ZFAND6: variants seen among roughly 807,000 people sequenced by gnomAD.
The protein encoded by ZFAND6 is zinc finger AN1-type containing 6.
A neutral mutation model predicts 24.5 loss-of-function variants in ZFAND6; 12 were observed. The ratio of observed to expected loss-of-function variants is 0.49; its 90% CI spans 0.31 to 0.79. ZFAND6 has a LOEUF of 0.79. Ranked by LOEUF, ZFAND6 falls within the 30% of genes least tolerant of loss-of-function variation. ZFAND6 has a pLI of 0.04. For synonymous variants in ZFAND6, 92 were observed against 81.5 expected (o/e 1.13, Z -0.69); for missense variants, 207 against 245.9 (o/e 0.84, Z 1.06).
intron 5 of ZFAND6, among the ~76,000 whole-genome samples, chr15:80,126,371 T>C (rs540093079): frequency 6.6e-6 from 1 of 152,322 alleles, no homozygotes; most frequent in Admixed American, 6.5e-5. Flanking sequence ...GGACTAACAA[T>C]TCCTGGCTTC....
intron 1 of ZFAND6, among the ~76,000 whole-genome samples, chr15:80,065,002 CTTTT>C (rs371580044): frequency 2.5e-4 from 17 of 68,130 alleles, no homozygotes; most frequent in African/African-American, 3.6e-4. Flanking sequence ...CTCTCTCCCC[CTTTT>C]TTTTTTTTTT....
intron 1 of ZFAND6, among the ~76,000 whole-genome samples, chr15:80,071,210 A>G (rs866329363): frequency 6.6e-6 from 1 of 152,226 alleles, no homozygotes; most frequent in East Asian, 1.9e-4. Flanking sequence ...GTGTTCTAAT[A>G]TTTGAGTTTT....
intron 1 of ZFAND6, among the ~76,000 whole-genome samples, chr15:80,062,647 T>C (rs1252066580): frequency 6.6e-6 from 1 of 152,198 alleles, no homozygotes; most frequent in African/African-American, 2.4e-5. Context: ...TGCAGACAAA[T>C]ATCAGGATGC....
chr15:80,067,771 TTAAA>T (rs939995348), intron 1 of ZFAND6, among the ~76,000 whole-genome samples: 12 of 152,230 alleles, frequency 7.9e-5, no homozygotes, highest in Non-Finnish European at 1.6e-4. Context: ...CATATTTTAT[TTAAA>T]TAGTCACATC....
intron 1 of ZFAND6, among the ~76,000 whole-genome samples, chr15:80,074,950 G>A (rs1395506364): frequency 6.6e-6 from 1 of 152,022 alleles, no homozygotes; most frequent in Non-Finnish European, 1.5e-5. Context: ...CTCATTGATG[G>A]AACCAGTAGT....
intron 1 of ZFAND6, among the ~76,000 whole-genome samples, chr15:80,077,173 T>C (rs914887244): frequency 6.6e-6 from 1 of 152,182 alleles, no homozygotes; most frequent in African/African-American, 2.4e-5. Flanking sequence ...CTTAAATAAC[T>C]GTTGGCTTGG....
At chr15:80,122,572 TAAAAAA>T (rs1434024353) in intron 4 of ZFAND6, 122 bp from the exon 5 acceptor site, 1 of 603,906 alleles carries the variant, frequency 1.7e-6, no homozygotes, top group East Asian at 2.8e-5. Flanking sequence ...TTTAAGTTAT[TAAAAAA>T]AAGTATGTCT....
intron 1 of ZFAND6, among the ~76,000 whole-genome samples, chr15:80,094,807 C>T (rs762128861): frequency 8.6e-5 from 13 of 151,838 alleles, no homozygotes; most frequent in African/African-American, 2.7e-4. Context: ...GTGTGTGAGA[C>T]GGGGTTTTGC....
chr15:80,122,821 G>A (rs747571037), intron 5 of ZFAND6, 21 bp downstream of exon 5: 1 of 1,589,118 alleles, frequency 6.3e-7, no homozygotes, highest in Non-Finnish European at 8.6e-7. Flanking sequence ...GAACTAGCAT[G>A]TATTTTGTTA....
Position 80,085,498 on chromosome 15 carries a change from A to G in ZFAND6, c.-180-12918A>G, listed in dbSNP as rs576442676. Among the ~76,000 whole-genome samples, 23 of 152,340 alleles carry G rather than the reference A, an allele frequency of 1.5e-4. No individual in the cohort carries two copies. The South Asian group carries it at 4.8e-3, about 32-fold the overall frequency. On this transcript the variant is annotated intron_variant, in intron 1 of 6. Transcript: ENST00000261749. Reference sequence around the variant, plus strand: ...AAAATCACGACCTTAATCATTGCTTAAAACAGTTCCACTTCTGAACTTTTC... The same window carrying G: ...AAAATCACGACCTTAATCATTGCTTGAAACAGTTCCACTTCTGAACTTTTC...
intron 1 of ZFAND6, among the ~76,000 whole-genome samples, chr15:80,091,813 A>C (rs2038394914): frequency 6.6e-6 from 1 of 151,828 alleles, no homozygotes; most frequent in Non-Finnish European, 1.5e-5. Context: ...CTAATTTTAA[A>C]ATTTTTTGTA....
chr15:80,095,013 T>G (rs1386741903), intron 1 of ZFAND6, among the ~76,000 whole-genome samples: 1 of 152,182 alleles, frequency 6.6e-6, no homozygotes. Flanking sequence ...CCTCAGGTAA[T>G]CCACCTGCCT....
At chr15:80,111,469 G>C (rs1267406057) in intron 2 of ZFAND6, 2 of 454,400 alleles carry the variant, frequency 4.4e-6, no homozygotes, top group Non-Finnish European at 8.8e-6. Context: ...TCTGAGGTTG[G>C]TGGAGTCGCC....
At chr15:80,078,797 C>G (rs952396980) in intron 1 of ZFAND6, among the ~76,000 whole-genome samples, 3 of 151,166 alleles carry the variant, frequency 2.0e-5, no homozygotes, top group Non-Finnish European at 4.4e-5. Context: ...TTGCATTTCT[C>G]TAATGATTAG....
chr15:80,110,810 A>C (rs143107604), intron 2 of ZFAND6, among the ~76,000 whole-genome samples: 40 of 152,276 alleles, frequency 2.6e-4, no homozygotes, highest in South Asian at 8.3e-4. Flanking sequence ...CTTAACTCTT[A>C]ACCTCATTCC....
chr15:80,073,249 C>CT, intron 1 of ZFAND6: 1 of 277,102 alleles, frequency 3.6e-6, no homozygotes, highest in South Asian at 3.1e-5. Context: ...CATTCAAACT[C>CT]TTCATTTCTT....
At chr15:80,124,205 G>A (rs1481100879) in intron 5 of ZFAND6, among the ~76,000 whole-genome samples, 2 of 152,130 alleles carry the variant, frequency 1.3e-5, no homozygotes, top group Admixed American at 6.5e-5. Context: ...AGGCTGAAGC[G>A]GGTGGATCAC....
At chr15:80,079,072 C>T (rs1370642814) in intron 1 of ZFAND6, among the ~76,000 whole-genome samples, 1 of 150,348 alleles carries the variant, frequency 6.7e-6, no homozygotes, top group Non-Finnish European at 1.5e-5. Flanking sequence ...CAGAGTGTGT[C>T]TTCTTTTGAG....
At chr15:80,071,018 C>G (rs1404397599) in intron 1 of ZFAND6, among the ~76,000 whole-genome samples, 1 of 152,182 alleles carries the variant, frequency 6.6e-6, no homozygotes, top group Non-Finnish European at 1.5e-5. Flanking sequence ...TGCAAAGGAT[C>G]TTGGGAGTAG....
Sources: allele counts gnomAD v4.1 joint callset (sites outside exome capture counted in the v4.1 genomes callset), GRCh38; gene constraint gnomAD v4.1.1; transcripts MANE v1.5; gene names NCBI Gene and HGNC (gene_info 2026-07-23, HGNC 2026-07-21).